DGLUCY: variants seen among roughly 807,000 people sequenced by gnomAD.
The protein encoded by DGLUCY is D-glutamate cyclase.
DGLUCY carries 58 observed loss-of-function variants against 58.5 expected under a neutral mutation model. The ratio of observed to expected loss-of-function variants is 0.99; its 90% CI spans 0.80 to 1.23. DGLUCY has a LOEUF of 1.23. Among genes scored for constraint, DGLUCY ranks in the 50% most tolerant of loss-of-function variants. DGLUCY has a pLI of 0.00. For missense variants in DGLUCY, 779 were observed against 784.7 expected (o/e 0.99, Z 0.09); for synonymous variants, 325 against 314.1 (o/e 1.03, Z -0.37).
intron 3 of DGLUCY, among the ~76,000 whole-genome samples, chr14:91,164,968 G>A (rs186504806): frequency 3.2e-4 from 49 of 152,320 alleles, no homozygotes; most frequent in African/African-American, 1.0e-3. Context: ...CAGAAGAGCC[G>A]TCTGGGAGTC....
chr14:91,204,560 C>A, intron 11 of DGLUCY, 146 bp from the exon 12 acceptor site: 1 of 1,116,538 alleles, frequency 9.0e-7, no homozygotes, highest in Non-Finnish European at 1.3e-6. Flanking sequence ...AGGGGAAGTA[C>A]CACAACTCCT....
rs751580873 is a variant in DGLUCY at position 91,181,222 on chromosome 14, C to A, written c.767C>A (p.Thr256Lys). 2 of 1,614,160 alleles carry A rather than the reference C, an allele frequency of 1.2e-6. No homozygotes were observed. Among genetic ancestry groups the A allele is most frequent in the South Asian group, 2.2e-5 (2 of 91,082 alleles). Reference sequence around the variant, plus strand: ...GCTTTTGCCAGCATCCCAGGCTGCACAGTTATGACTGACCTGAAGGATGCA... The same window carrying A: ...GCTTTTGCCAGCATCCCAGGCTGCAAAGTTATGACTGACCTGAAGGATGCA... ...PLAFASIPGC[T>K]VMTDLKDAKA... Residue 256 changes from threonine to lysine, a missense_variant, in exon 8 of 14, where the codon ACA (threonine) becomes AAA (lysine). Coordinates refer to ENST00000256324, the MANE Select transcript of DGLUCY (RefSeq NM_001102368.3).
intron 1 of DGLUCY, among the ~76,000 whole-genome samples, chr14:91,145,711 T>G (rs959787447): frequency 1.3e-5 from 2 of 152,142 alleles, no homozygotes; most frequent in African/African-American, 4.8e-5. Context: ...GCACTTTACA[T>G]ACATCATCTC....
At chr14:91,184,669 G>A (rs1332732219) in intron 8 of DGLUCY, among the ~76,000 whole-genome samples, 1 of 129,814 alleles carries the variant, frequency 7.7e-6, no homozygotes, top group Non-Finnish European at 1.6e-5. Flanking sequence ...AGGAGGGAGG[G>A]AGGGAGGGAA....
At chr14:91,157,747 G>A (rs1348503234) in intron 2 of DGLUCY, 57 bp downstream of exon 2, 1 of 152,104 alleles carries the variant, frequency 6.6e-6, no homozygotes, top group East Asian at 1.9e-4. Flanking sequence ...ACACTGGGGT[G>A]CCTGGCACAC....
At chr14:91,082,252 A>G (rs1184835142) in intron 1 of DGLUCY, among the ~76,000 whole-genome samples, 1 of 152,168 alleles carries the variant, frequency 6.6e-6, no homozygotes, top group Non-Finnish European at 1.5e-5. Context: ...AGGAATTCCA[A>G]GATAAAAAGT....
At chr14:91,073,923 C>G (rs550574052) in intron 1 of DGLUCY, among the ~76,000 whole-genome samples, 3 of 151,618 alleles carry the variant, frequency 2.0e-5, no homozygotes, top group Admixed American at 1.3e-4. Flanking sequence ...GAGTTTAAGA[C>G]CAGCCCGGGC....
rs879614784 is a variant in DGLUCY at position 91,125,443 on chromosome 14, T to C, written c.-82+11160T>C. ...AAGGTTGTTTGTCCAGAGATAGAAC[T>C]GTGTTTAGATAGGGTTGCTTGTAGG... On this transcript the variant is annotated intron_variant, in intron 1 of 13. Coordinates refer to ENST00000256324, the MANE Select transcript of DGLUCY (RefSeq NM_001102368.3). 5 of 152,158 alleles carry C rather than the reference T, an allele frequency of 3.3e-5. No homozygotes were observed. In the East Asian group the frequency reaches 9.6e-4, roughly 29 times the overall value. 9.4% of individuals were successfully genotyped at this position (152,158 alleles called of 1,614,324 possible).
intron 1 of DGLUCY, among the ~76,000 whole-genome samples, chr14:91,074,834 A>G (rs1199084703): frequency 6.6e-6 from 1 of 152,132 alleles, no homozygotes. Flanking sequence ...GCACTTTGGG[A>G]GGCTGAGGCT....
intron 13 of DGLUCY, among the ~76,000 whole-genome samples, chr14:91,219,157 G>GT (rs755207138): frequency 6.6e-6 from 1 of 151,740 alleles, no homozygotes; most frequent in Non-Finnish European, 1.5e-5. Flanking sequence ...TCCAGCCTGG[G>GT]TGACAGAGTG....
intron 1 of DGLUCY, among the ~76,000 whole-genome samples, chr14:91,088,596 A>T (rs77992325): frequency 0.032 from 4,895 of 152,308 alleles, 285 homozygotes; most frequent in African/African-American, 0.11. Context: ...TCCAAGGAAG[A>T]AAGTGCTTTC....
intron 1 of DGLUCY, among the ~76,000 whole-genome samples, chr14:91,140,834 G>A (rs1358675867): frequency 6.6e-6 from 1 of 152,142 alleles, no homozygotes; most frequent in Non-Finnish European, 1.5e-5. Context: ...AACACCTAGG[G>A]GTTGTGATTC....
At chr14:91,215,325 A>G (rs958287134) in intron 12 of DGLUCY, 80 bp from the exon 13 acceptor site, 17 of 1,533,766 alleles carry the variant, frequency 1.1e-5, no homozygotes, top group Non-Finnish European at 1.5e-5. Context: ...AGTCCTGCAG[A>G]TAGTTCTGCT....
chr14:91,188,725 A>C (rs2049680150), intron 8 of DGLUCY, among the ~76,000 whole-genome samples, 185 bp from the exon 9 acceptor site: 1 of 152,202 alleles, frequency 6.6e-6, no homozygotes, highest in South Asian at 2.1e-4. Flanking sequence ...GTTGTTCAGG[A>C]GGGTGAGGCG....
chr14:91,122,463 G>A (rs1284017012), intron 1 of DGLUCY, among the ~76,000 whole-genome samples: 2 of 151,786 alleles, frequency 1.3e-5, no homozygotes, highest in Admixed American at 6.6e-5. Flanking sequence ...AAGAAAAAAA[G>A]AAAGATTTTT....
chr14:91,113,955 C>G (rs2044757161), upstream of DGLUCY: 1 of 152,308 alleles, frequency 6.6e-6, no homozygotes, highest in South Asian at 2.1e-4. Flanking sequence ...CAGGTTAACT[C>G]TTGCAGGGAG....
chr14:91,127,797 A>G (rs1457331030), intron 1 of DGLUCY, among the ~76,000 whole-genome samples: 3 of 152,166 alleles, frequency 2.0e-5, no homozygotes, highest in African/African-American at 7.2e-5. Context: ...GCAGAAAGAG[A>G]AACTCATGGC....
At chr14:91,129,155 A>G (rs1324332742) in intron 1 of DGLUCY, among the ~76,000 whole-genome samples, 1 of 152,162 alleles carries the variant, frequency 6.6e-6, no homozygotes, top group Non-Finnish European at 1.5e-5. Flanking sequence ...TTTCTTTTAA[A>G]TTTTTAAAAA....
At chr14:91,181,637 TTC>T (rs1250821102) in intron 8 of DGLUCY, among the ~76,000 whole-genome samples, 1 of 142,912 alleles carries the variant, frequency 7.0e-6, no homozygotes, top group African/African-American at 2.5e-5. Flanking sequence ...CTTTCTTTCT[TTC>T]TCTTTCTTTC....
Sources: allele counts gnomAD v4.1 joint callset (sites outside exome capture counted in the v4.1 genomes callset), GRCh38; gene constraint gnomAD v4.1.1; transcripts MANE v1.5; gene names NCBI Gene and HGNC (gene_info 2026-07-23, HGNC 2026-07-21).